Variants in MICAL3 observed in about 807,000 individuals in gnomAD.
The protein encoded by MICAL3 is microtubule associated monooxygenase, calponin and LIM domain containing 3.
In MICAL3, 62 loss-of-function variants were observed where a neutral mutation model predicts 207.4. The ratio of observed to expected loss-of-function variants is 0.30; its 90% CI spans 0.24 to 0.37. The LOEUF (loss-of-function observed/expected upper bound fraction) is 0.37, where lower values mean the gene tolerates loss of function less well. Among genes scored for constraint, MICAL3 ranks in the 10% least tolerant of loss-of-function variants. The pLI is 1.00. For missense variants in MICAL3, 2,368 were observed against 2,635.6 expected (o/e 0.90, Z 2.22); for synonymous variants, 1,077 against 1,069.3 (o/e 1.01, Z -0.14).
intron 29 of MICAL3, chr22:17,803,619 C>G (rs2061961611): frequency 6.3e-6 from 1 of 157,592 alleles, no homozygotes; most frequent in Non-Finnish European, 1.4e-5. Context: ...AAGCTCAGAT[C>G]TTCCTCTGGA....
intron 1 of MICAL3, among the ~76,000 whole-genome samples, chr22:17,957,728 G>GAC (rs1934694550): frequency 7.9e-6 from 1 of 126,600 alleles, no homozygotes; most frequent in African/African-American, 3.6e-5. Context: ...AAAAAAAAAA[G>GAC]AGAGAGAAAG....
At chr22:17,968,349 G>GT (rs1163374441) in intron 1 of MICAL3, among the ~76,000 whole-genome samples, 7 of 152,130 alleles carry the variant, frequency 4.6e-5, no homozygotes, top group Non-Finnish European at 7.3e-5. Context: ...ACACTCACAG[G>GT]TGAGCAGGTG....
In MICAL3 at chr22:17,893,899, G is replaced by A. The variant is rs765163685; in HGVS notation, c.1455C>T (p.Arg485=). The A allele has an allele frequency of 2.6e-6, 4 of 1,553,330 alleles. No individual in the cohort carries two copies. The highest frequency in any genetic ancestry group is 3.5e-6 in the Non-Finnish European group (4 of 1,146,908). Residue 485 remains arginine (R), a synonymous_variant, in exon 11 of 32, where the codon CGC becomes CGT. Coordinates refer to ENST00000441493, the MANE Select transcript of MICAL3 (RefSeq NM_015241.3). ...NVNFLRPSQV[R]HLYDTGETKD... is the part of the protein sequence containing the mutation. ...TTGTTTCGCCAGTATCATATAAATGGCGCACCTGGCAGAAATTTACAAAGT... is the reference window on the plus strand; with the variant it reads ...TTGTTTCGCCAGTATCATATAAATGACGCACCTGGCAGAAATTTACAAAGT...
intron 25 of MICAL3, among the ~76,000 whole-genome samples, chr22:17,820,875 AATTTAT>A (rs1921523107): frequency 7.2e-6 from 1 of 138,646 alleles, no homozygotes; most frequent in African/African-American, 2.6e-5. Flanking sequence ...AATTTTAATA[AATTTAT>A]ATTTATAAAC....
At chr22:17,965,384 A>T (rs1935101708) in intron 1 of MICAL3, among the ~76,000 whole-genome samples, 1 of 152,202 alleles carries the variant, frequency 6.6e-6, no homozygotes, top group South Asian at 2.1e-4. Flanking sequence ...TGTCACTAAC[A>T]CAATGATTAG....
intron 17 of MICAL3, 42 bp from the exon 18 acceptor site, chr22:17,866,054 C>T (rs570277195): frequency 5.4e-6 from 8 of 1,493,880 alleles, no homozygotes; most frequent in East Asian, 4.5e-5. Context: ...ATGAGCCAGG[C>T]ACGGATCCTG....
At chr22:17,992,732 A>G (rs1282227345) in intron 1 of MICAL3, among the ~76,000 whole-genome samples, 1 of 152,078 alleles carries the variant, frequency 6.6e-6, no homozygotes, top group Non-Finnish European at 1.5e-5. Flanking sequence ...ACCACCTGTG[A>G]ATTTCTTCCC....
rs1373190874 is a variant in MICAL3 at position 17,896,705 on chromosome 22, TG to T, written c.1206+18del. 1 of 1,610,770 alleles carries T rather than the reference TG, an allele frequency of 6.2e-7. No individual in the cohort carries two copies. The highest frequency in any genetic ancestry group is 1.3e-5 in the African/African-American group (1 of 74,870). ...TATTCCTGCCCCTACCACAGAGTGC[TG>T]CCATGCTTAGCACTCACCTCTAGGA... On this transcript the variant is annotated intron_variant, in intron 8 of 31. Transcript: ENST00000441493.
At chr22:17,822,583 T>A (rs1251158103) in intron 23 of MICAL3, among the ~76,000 whole-genome samples, 1 of 152,158 alleles carries the variant, frequency 6.6e-6, no homozygotes, top group Non-Finnish European at 1.5e-5. Flanking sequence ...CCTCGCAAGC[T>A]TGGGTTCTTC....
intron 19 of MICAL3, among the ~76,000 whole-genome samples, chr22:17,852,932 G>A (rs550945706): frequency 3.3e-5 from 5 of 152,132 alleles, no homozygotes; most frequent in East Asian, 1.9e-4. Context: ...AAAATTAGCC[G>A]GGCGTGGTGG....
At chr22:17,962,118 T>G (rs1050225551) in intron 1 of MICAL3, among the ~76,000 whole-genome samples, 1 of 152,198 alleles carries the variant, frequency 6.6e-6, no homozygotes, top group Admixed American at 6.5e-5. Flanking sequence ...ATCGAGTGCT[T>G]GCTGACTGCA....
rs146813727 is a variant in MICAL3, at chr22:17,845,701, C to T, written c.2606-3684G>A. On this transcript the variant is annotated intron_variant, in intron 19 of 31. Coordinates refer to ENST00000441493, the MANE Select transcript of MICAL3 (RefSeq NM_015241.3). ...CTGAACATGAGGAGGAAAGGCATCA[C>T]TCAGGAGATCACCATGCTGTCCCAA... is the stretch of plus-strand genomic sequence containing the variant. Among the ~76,000 whole-genome samples, 47 of 152,326 alleles carry T rather than the reference C, an allele frequency of 3.1e-4. No homozygotes were observed. In the East Asian group the frequency reaches 8.9e-3, roughly 29 times the overall value.
intron 1 of MICAL3, among the ~76,000 whole-genome samples, chr22:17,994,296 TC>T (rs1411007384): frequency 6.6e-6 from 1 of 152,146 alleles, no homozygotes; most frequent in East Asian, 1.9e-4. Context: ...TAGCTGCCAT[TC>T]CCCTGGGGGC....
intron 1 of MICAL3, among the ~76,000 whole-genome samples, chr22:17,990,406 T>A (rs1238403423): frequency 4.6e-5 from 7 of 152,226 alleles, no homozygotes; most frequent in Non-Finnish European, 1.0e-4. Flanking sequence ...CCAAGTTTCA[T>A]GAGCACCAGT....
At chr22:17,915,984 G>C (rs1473885259) in intron 1 of MICAL3, among the ~76,000 whole-genome samples, 1 of 144,972 alleles carries the variant, frequency 6.9e-6, no homozygotes, top group Non-Finnish European at 1.5e-5. Flanking sequence ...AGCTACCCAG[G>C]AGGTCGAGGC....
intron 1 of MICAL3, among the ~76,000 whole-genome samples, chr22:17,919,076 G>T (rs1254942690): frequency 4.2e-4 from 57 of 136,526 alleles, no homozygotes; most frequent in Admixed American, 3.6e-4. Context: ...GTTTTTGTGG[G>T]TTTTTTTTTT....
chr22:17,919,076 G>GTTTTTT lies in MICAL3; in HGVS notation c.-74-12196_-74-12191dup, dbSNP rs35096617. Among the ~76,000 whole-genome samples the GTTTTTT allele has an allele frequency of 4.7e-3, 638 of 136,524 alleles. 6 individuals carry two copies. Among genetic ancestry groups the GTTTTTT allele is most frequent in the Non-Finnish European group, 7.0e-3 (453 of 65,150 alleles). 89.6% of individuals were successfully genotyped at this position (136,524 alleles called of 152,430 possible). A position where few individuals can be genotyped will look rare whatever the true frequency, so the allele number is the denominator to read the frequency against. ...CTCCAAATGTTTTTGGTTTTTGTGGGTTTTTTTTTTTTTTGAGACAGGCTC... is the reference window on the plus strand; with the variant it reads ...CTCCAAATGTTTTTGGTTTTTGTGGGTTTTTTTTTTTTTTTTTTTTGAGACAGGCTC... On this transcript the variant is annotated intron_variant, in intron 1 of 31. Coordinates refer to ENST00000441493, the MANE Select transcript of MICAL3 (RefSeq NM_015241.3).
At chr22:17,982,850 T>C (rs8137857) in intron 1 of MICAL3, among the ~76,000 whole-genome samples, 41,162 of 152,078 alleles carry the variant, frequency 0.27, 6,047 homozygotes, top group African/African-American at 0.38. Flanking sequence ...AACACTTAGG[T>C]AGCAGGGAAG....
chr22:17,821,001 T>C (rs1601969316), intron 25 of MICAL3, among the ~76,000 whole-genome samples: 1 of 135,028 alleles, frequency 7.4e-6, no homozygotes, highest in East Asian at 2.0e-4. Context: ...AATAAATTTA[T>C]ATTTATAAAC....
Sources: gnomAD v4.1 joint callset for allele counts (sites outside exome capture counted in the v4.1 genomes callset) on GRCh38, gnomAD v4.1.1 for gene constraint, MANE v1.5 for transcripts, NCBI Gene and HGNC (gene_info 2026-07-23, HGNC 2026-07-21) for gene names.